The following PDGFRA variants were observed in gnomAD, a reference collection of about 807,000 sequenced individuals.
PDGFRA encodes platelet-derived growth factor receptor alpha.
PDGFRA carries 25 observed loss-of-function variants against 121.5 expected under a neutral mutation model. That is an observed-to-expected ratio of 0.21 (90% CI 0.15 to 0.29). The LOEUF (loss-of-function observed/expected upper bound fraction) is 0.29, where lower values mean the gene tolerates loss of function less well. Among genes scored for constraint, PDGFRA ranks in the 10% least tolerant of loss-of-function variants. PDGFRA has a pLI of 1.00. For missense variants in PDGFRA, 1,008 were observed against 1,345.1 expected, an observed-to-expected ratio of 0.75 and a Z score of 3.92; for synonymous variants, 463 against 494.8, an observed-to-expected ratio of 0.94 and a Z score of 0.85.
Position 54,297,426 on chromosome 4 carries a change from A to G in PDGFRA, c.*2154A>G, listed in dbSNP as rs145707355. 4.4e-4 allele frequency: 102 copies of G among 233,760 alleles called. No homozygotes were observed. Among genetic ancestry groups the G allele is most frequent in the African/African-American group, 2.1e-3 (95 of 45,494 alleles). The allele number at this position is 233,760 out of a possible 1,614,324, so 14.5% of individuals were successfully genotyped here. ...GCCAATTAAAAACGAAAACCTGACT[A>G]GGTTCTGTAGAGCCAATTAGACTTG... On this transcript the variant is annotated 3_prime_UTR_variant, in exon 23 of 23. Transcript: ENST00000257290.
At chr4:54,254,483 G>A (rs1469256058) in intron 1 of PDGFRA, among the ~76,000 whole-genome samples, 1 of 152,208 alleles carries the variant, frequency 6.6e-6, no homozygotes, top group African/African-American at 2.4e-5. Context: ...GATGCACACA[G>A]GGAAATCTGG....
rs774186012 is a variant in PDGFRA at position 54,274,639 on chromosome 4, C to T, written c.1653+14C>T. 4 of 1,591,466 alleles carry T rather than the reference C, an allele frequency of 2.5e-6. No individual in the cohort carries two copies. Among genetic ancestry groups the T allele is most frequent in the East Asian group, 4.5e-5 (2 of 44,804 alleles). On this transcript the variant is annotated intron_variant, in intron 11 of 22. Coordinates refer to ENST00000257290, the MANE Select transcript of PDGFRA (RefSeq NM_006206.6). ...ATTTGGAAACAGGTAGATATTTTCT[C>T]ATAAAACTAAAGATCTTTGAAGCCA...
chr4:54,278,234 A>T (rs946599806), intron 14 of PDGFRA, 128 bp from the exon 15 acceptor site: 19 of 55,956 alleles, frequency 3.4e-4, no homozygotes, highest in Admixed American at 2.0e-3. Flanking sequence ...AAAAAAAAAA[A>T]AAAAAAAAAA....
At position 54,261,924 on chromosome 4, in the gene PDGFRA, TATATATA is replaced by T. The variant is rs1397856197; in HGVS notation, c.367+513_367+519del. On this transcript the variant is annotated intron_variant, in intron 3 of 22. Coordinates refer to ENST00000257290, the MANE Select transcript of PDGFRA (RefSeq NM_006206.6). ...ATATATATATATATATATATATATATATATATATTTTTTTTTTTTTTGGTAACAGGGT... is the reference window on the plus strand; with the variant it reads ...ATATATATATATATATATATATATATTTTTTTTTTTTTTTGGTAACAGGGT... 2.6e-3 allele frequency among the ~76,000 whole-genome samples: 201 copies of T among 75,974 alleles called. 6 individuals are homozygous for T. The highest frequency in any genetic ancestry group is 6.7e-3 in the African/African-American group (137 of 20,374). The allele number at this position is 75,974 out of a possible 152,430, so 49.8% of individuals were successfully genotyped here.
rs1029265768 is a variant in PDGFRA at position 54,242,386 on chromosome 4, C to G, written c.-13+12971C>G. ...CCTTGGTTAAGGCCTGTTGGTTTCA[C>G]TAGGGAAAATACCTTTAAAAAAAGG... On this transcript the variant is annotated intron_variant, in intron 1 of 22. Transcript: ENST00000257290. Among the ~76,000 whole-genome samples, 4 of 152,070 alleles carry G rather than the reference C, an allele frequency of 2.6e-5. No individual in the cohort carries two copies. The East Asian group carries it at 7.7e-4, about 29-fold the overall frequency.
intron 22 of PDGFRA, 66 bp downstream of exon 22, chr4:54,290,620 C>T: frequency 5.1e-6 from 8 of 1,580,226 alleles, no homozygotes; most frequent in Non-Finnish European, 6.1e-6. Flanking sequence ...AGGAGAGGAC[C>T]CATTTTCCCG....
chr4:54,293,517 A>G (rs987675272), intron 22 of PDGFRA, among the ~76,000 whole-genome samples: 3 of 135,764 alleles, frequency 2.2e-5, no homozygotes, highest in Admixed American at 8.6e-5. Flanking sequence ...TGTAACCTCC[A>G]CCTCCTGAGT....
At chr4:54,257,989 C>T (rs529500707) in intron 1 of PDGFRA, among the ~76,000 whole-genome samples, 23 of 152,228 alleles carry the variant, frequency 1.5e-4, no homozygotes, top group South Asian at 1.2e-3. Flanking sequence ...TTGGTTTGCA[C>T]GGGTGCTTTT....
intron 16 of PDGFRA, 104 bp downstream of exon 16, chr4:54,280,586 G>A (rs1001302868): frequency 1.1e-6 from 1 of 930,300 alleles, no homozygotes; most frequent in Admixed American, 2.0e-5. Flanking sequence ...AGTGAACCTG[G>A]CAGCCCACGT....
intron 2 of PDGFRA, among the ~76,000 whole-genome samples, chr4:54,259,631 C>T (rs1035401075): frequency 1.6e-4 from 24 of 152,194 alleles, no homozygotes; most frequent in African/African-American, 4.8e-4. Context: ...TAGCTCAGCC[C>T]GTTAGTGTCT....
At chr4:54,271,550 C>T (rs1171002820) in intron 8 of PDGFRA, among the ~76,000 whole-genome samples, 2 of 151,608 alleles carry the variant, frequency 1.3e-5, no homozygotes, top group African/African-American at 4.8e-5. Context: ...CTCTCTTTCC[C>T]TCCCTCCCTT....
At chr4:54,258,455 T>C (rs1722493356) in intron 1 of PDGFRA, among the ~76,000 whole-genome samples, 1 of 152,076 alleles carries the variant, frequency 6.6e-6, no homozygotes, top group Admixed American at 6.5e-5. Flanking sequence ...AAAAAATATA[T>C]ATATATGTAT....
intron 1 of PDGFRA, among the ~76,000 whole-genome samples, chr4:54,237,561 AT>A (rs929990309): frequency 2.0e-5 from 3 of 152,186 alleles, no homozygotes; most frequent in African/African-American, 7.2e-5. Context: ...GGAGGCTGAT[AT>A]TTATATGTAC....
At chr4:54,266,580 A>G (rs1723038084) in intron 5 of PDGFRA, among the ~76,000 whole-genome samples, 2 of 152,146 alleles carry the variant, frequency 1.3e-5, no homozygotes, top group African/African-American at 2.4e-5. Flanking sequence ...TTTCTTATCC[A>G]TAGATAAACA....
chr4:54,261,387 C>G lies in PDGFRA; in HGVS notation c.342C>G (p.Gly114=), dbSNP rs1553902455. Residue 114 remains glycine, a synonymous_variant, in exon 3 of 23, where the codon GGC becomes GGG. Coordinates refer to ENST00000257290, the MANE Select transcript of PDGFRA (RefSeq NM_006206.6). The part of the protein sequence containing the change: ...HTQTEENELE[G]RHIYIYVPDP... ...AGACAGAAGAGAATGAGCTTGAAGGCAGGCACATTTACATCTATGTGCCAG... is the reference window on the plus strand; with the variant it reads ...AGACAGAAGAGAATGAGCTTGAAGGGAGGCACATTTACATCTATGTGCCAG... 1 of 1,614,062 alleles carries G rather than the reference C, an allele frequency of 6.2e-7. No individual in the cohort carries two copies. The highest frequency in any genetic ancestry group is 8.5e-7 in the Non-Finnish European group (1 of 1,179,952).
chr4:54,285,752 T>C lies in PDGFRA; in HGVS notation c.2440-89T>C, dbSNP rs563693181. On this transcript the variant is annotated intron_variant, in intron 17 of 22. Transcript: ENST00000257290. ...TTATATCCAGGCAGACAGCTCCAAGTGCCACCATGGATCAGCCAGTCTTGC... is the reference window on the plus strand; with the variant it reads ...TTATATCCAGGCAGACAGCTCCAAGCGCCACCATGGATCAGCCAGTCTTGC... 5.5e-5 allele frequency: 77 copies of C among 1,400,290 alleles called. No individual in the cohort carries two copies. In the South Asian group the frequency reaches 8.5e-4, roughly 16 times the overall value. 86.7% of individuals were successfully genotyped at this position (1,400,290 alleles called of 1,614,324 possible).
intron 1 of PDGFRA, among the ~76,000 whole-genome samples, chr4:54,231,484 C>T (rs1160687892): frequency 2.0e-5 from 3 of 152,226 alleles, no homozygotes; most frequent in Non-Finnish European, 4.4e-5. Context: ...AGGGGCTCTC[C>T]GGGCGTGCGC....
At chr4:54,235,498 G>T (rs572245171) in intron 1 of PDGFRA, among the ~76,000 whole-genome samples, 1 of 152,366 alleles carries the variant, frequency 6.6e-6, no homozygotes, top group East Asian at 1.9e-4. Flanking sequence ...GCAGGAGATG[G>T]CACCCTGTTA....
In PDGFRA at chr4:54,274,606, T is replaced by C. The variant is rs2110296882; in HGVS notation, c.1634T>C (p.Leu545Pro). Residue 545 changes from leucine (L) to proline (P), a missense_variant, in exon 11 of 23, where the codon CTG becomes CCG. Coordinates refer to ENST00000257290, the MANE Select transcript of PDGFRA (RefSeq NM_006206.6). The stretch of plus-strand genomic sequence containing the variant: ...ATTGTGATCATCTCACTTATTGTCC[T>C]GGTTGTCATTTGGAAACAGGTAGAT... ...LVIVIISLIV[L>P]VVIWKQKPRY... 1 of 1,613,268 alleles carries C rather than the reference T, an allele frequency of 6.2e-7. No individual in the cohort carries two copies. Among genetic ancestry groups the C allele is most frequent in the Non-Finnish European group, 8.5e-7 (1 of 1,179,156 alleles).
Sources: allele counts gnomAD v4.1 joint callset (sites outside exome capture counted in the v4.1 genomes callset), GRCh38; gene constraint gnomAD v4.1.1; transcripts MANE v1.5; gene names NCBI Gene and HGNC (gene_info 2026-07-23, HGNC 2026-07-21).